The following CFAP44 variants were observed in gnomAD, a reference collection of about 807,000 sequenced individuals.
CFAP44 encodes cilia and flagella associated protein 44.
In CFAP44, 134 loss-of-function variants were observed where a neutral mutation model predicts 216.2. The observed-to-expected ratio is 0.62, with a 90% confidence interval of 0.54 to 0.72. The LOEUF is 0.72. Among genes scored for constraint, CFAP44 ranks in the 30% least tolerant of loss-of-function variants. The pLI is 0.00. For synonymous variants in CFAP44, 700 were observed against 727.6 expected (o/e 0.96, Z 0.61); for missense variants, 2,035 against 2,182.1 (o/e 0.93, Z 1.34).
At chr3:113,410,867 G>A (rs2107375760) in intron 6 of CFAP44, among the ~76,000 whole-genome samples, 1 of 152,280 alleles carries the variant, frequency 6.6e-6, no homozygotes, top group South Asian at 2.1e-4. Flanking sequence ...GTATCTCATT[G>A]TGGTTTTGAT....
intron 15 of CFAP44, among the ~76,000 whole-genome samples, chr3:113,382,700 G>C (rs1933546153): frequency 6.6e-6 from 1 of 152,190 alleles, no homozygotes; most frequent in Non-Finnish European, 1.5e-5. Context: ...GGCAGAATTG[G>C]CCTTAAGTAG....
At position 113,305,079 on chromosome 3, in the gene CFAP44, C is replaced by A; in HGVS notation, c.4832G>T (p.Arg1611Leu). ...AATCACAACTAGCAGTTCATTCAGC[C>A]GCTGCTGCTTCTCTCGCTGATAAGC... is the stretch of plus-strand genomic sequence containing the variant. ...LEAYQREKQQ[R>L]LNELLVVIPL... Residue 1611 changes from arginine (R) to leucine (L), a missense_variant, in exon 31 of 35, where the codon CGG becomes CTG. Arg to Leu is a moderately radical substitution (Grantham distance 102). Coordinates refer to ENST00000393845, the MANE Select transcript of CFAP44 (RefSeq NM_001164496.2). The A allele has an allele frequency of 6.5e-7, 1 of 1,537,256 alleles. No homozygotes were observed. Among genetic ancestry groups the A allele is most frequent in the Non-Finnish European group, 8.7e-7 (1 of 1,146,912 alleles).
At chr3:113,306,417 C>T (rs1015729178) in intron 29 of CFAP44, 86 bp from the exon 30 acceptor site, 1 of 1,461,998 alleles carries the variant, frequency 6.8e-7, no homozygotes, top group African/African-American at 1.4e-5. Flanking sequence ...GATTCAGAAT[C>T]AATAATGTCT....
chr3:113,358,618 T>C, intron 22 of CFAP44, 127 bp downstream of exon 22: 3 of 1,216,598 alleles, frequency 2.5e-6, no homozygotes, highest in Non-Finnish European at 3.2e-6. Context: ...GAGGATTCCT[T>C]GAGATTTCAA....
chr3:113,401,188 A>G (rs1934130921), intron 11 of CFAP44, 52 bp downstream of exon 11: 6 of 1,497,356 alleles, frequency 4.0e-6, no homozygotes, highest in South Asian at 2.5e-5. Context: ...GACAAATAAC[A>G]AAAGTTTTTA....
At chr3:113,401,359 G>A (rs2107360535) in intron 10 of CFAP44, 72 bp from the exon 11 acceptor site, 1 of 1,400,224 alleles carries the variant, frequency 7.1e-7, no homozygotes, top group East Asian at 2.5e-5. Flanking sequence ...TTCTTTCTAT[G>A]TTTTATTAAA....
intron 28 of CFAP44, among the ~76,000 whole-genome samples, chr3:113,311,983 C>A (rs1284856134): frequency 6.6e-6 from 1 of 151,358 alleles, no homozygotes; most frequent in Non-Finnish European, 1.5e-5. Flanking sequence ...AGGTGTCTGG[C>A]GGGAGAAAAT....
intron 17 of CFAP44, among the ~76,000 whole-genome samples, chr3:113,373,981 T>G (rs1933256176): frequency 1.3e-5 from 2 of 152,116 alleles, no homozygotes; most frequent in South Asian, 2.1e-4. Context: ...TCAGAAAAAT[T>G]TATCCATGTA....
chr3:113,360,429 C>G, intron 21 of CFAP44: 1 of 233,478 alleles, frequency 4.3e-6, no homozygotes. Flanking sequence ...TCTCATGGGA[C>G]AACTTCACTG....
At chr3:113,377,225 C>A (rs909750103) in intron 17 of CFAP44, among the ~76,000 whole-genome samples, 1 of 152,162 alleles carries the variant, frequency 6.6e-6, no homozygotes, top group African/African-American at 2.4e-5. Flanking sequence ...TAGAATTGGC[C>A]TGCAGTGTGA....
intron 24 of CFAP44, among the ~76,000 whole-genome samples, chr3:113,339,155 G>A (rs565151484): frequency 1.4e-4 from 21 of 152,258 alleles, no homozygotes; most frequent in African/African-American, 4.8e-4. Context: ...TCCTTCCTGA[G>A]GCCAAGCCAT....
chr3:113,352,666 A>G (rs984473093), intron 22 of CFAP44, among the ~76,000 whole-genome samples: 3 of 152,246 alleles, frequency 2.0e-5, no homozygotes, highest in Admixed American at 6.5e-5. Flanking sequence ...TAAAATTAAA[A>G]ATAATGTGGG....
chr3:113,302,474 A>AAAAAAAG (rs1949946117), intron 32 of CFAP44, among the ~76,000 whole-genome samples: 2 of 146,552 alleles, frequency 1.4e-5, no homozygotes, highest in African/African-American at 2.6e-5. Context: ...AAAAAAAAAA[A>AAAAAAAG]AAAAAAGATA....
rs186467721 is a variant in CFAP44 at position 113,433,926 on chromosome 3, G to C, written c.-5-257C>G. 2.0e-3 allele frequency: 590 copies of C among 290,770 alleles called. 1 individual carries two copies. The highest frequency in any genetic ancestry group is 3.1e-3 in the Non-Finnish European group (485 of 156,986). The allele number at this position is 290,770 out of a possible 1,614,324, so 18.0% of individuals were successfully genotyped here. On this transcript the variant is annotated intron_variant, in intron 1 of 34. Transcript: ENST00000393845. ...TTGTGGTGCACTTTGGTTTTCCAGA[G>C]GTCCACTACCAAAGTTCATCTTTTC...
intron 15 of CFAP44, among the ~76,000 whole-genome samples, chr3:113,383,176 T>C (rs1411827951): frequency 6.6e-6 from 1 of 152,224 alleles, no homozygotes; most frequent in Non-Finnish European, 1.5e-5. Flanking sequence ...ATGTTATTGA[T>C]CCTTGTTTGT....
chr3:113,339,828 T>C, intron 24 of CFAP44, among the ~76,000 whole-genome samples: 1 of 152,254 alleles, frequency 6.6e-6, no homozygotes, highest in Non-Finnish European at 1.5e-5. Flanking sequence ...GAAACAGAGC[T>C]AGGGGGAGCC....
At chr3:113,382,781 C>A (rs1312243978) in intron 15 of CFAP44, among the ~76,000 whole-genome samples, 1 of 152,136 alleles carries the variant, frequency 6.6e-6, no homozygotes, top group East Asian at 1.9e-4. Context: ...ATGGGATTTT[C>A]CATTTGGTAG....
chr3:113,412,444 G>GTGCAA (rs1229036818), intron 6 of CFAP44, among the ~76,000 whole-genome samples: 2 of 151,196 alleles, frequency 1.3e-5, no homozygotes, highest in African/African-American at 4.9e-5. Flanking sequence ...TGTGCAGAAC[G>GTGCAA]TGCAAGTTTG....
At chr3:113,408,711 A>T (rs1323875767) in intron 7 of CFAP44, among the ~76,000 whole-genome samples, 2 of 151,992 alleles carry the variant, frequency 1.3e-5, no homozygotes. Context: ...TAAAAATACA[A>T]AATTAGCCAA....
Sources: allele counts gnomAD v4.1 joint callset (sites outside exome capture counted in the v4.1 genomes callset), GRCh38; gene constraint gnomAD v4.1.1; transcripts MANE v1.5; gene names NCBI Gene and HGNC (gene_info 2026-07-23, HGNC 2026-07-21).